The following DAB1 variants were observed in gnomAD, a reference collection of about 807,000 sequenced individuals.
DAB1 encodes the protein disabled homolog 1.
A neutral mutation model predicts 64.6 loss-of-function variants in DAB1; 15 were observed. That is an observed-to-expected ratio of 0.23 (90% CI 0.16 to 0.36). DAB1 has a LOEUF of 0.36. DAB1 is among the 10% of genes least tolerant of loss of function. The probability of loss-of-function intolerance (pLI) is 1.00; values close to 1 mark genes in which losing one functional copy is unlikely to be tolerated. For synonymous variants in DAB1, 235 were observed against 251.9 expected, an observed-to-expected ratio of 0.93 and a Z score of 0.64; for missense variants, 596 against 706.7, an observed-to-expected ratio of 0.84 and a Z score of 1.78.
intron 3 of DAB1, among the ~76,000 whole-genome samples, chr1:58,396,481 GA>G (rs1415533084): frequency 1.3e-5 from 2 of 151,954 alleles, no homozygotes; most frequent in Non-Finnish European, 2.9e-5. Context: ...GGAAAGGAGA[GA>G]AAGAAAACAC....
intron 4 of DAB1, among the ~76,000 whole-genome samples, chr1:58,284,495 A>C (rs1386918596): frequency 1.3e-5 from 2 of 152,254 alleles, no homozygotes; most frequent in East Asian, 3.8e-4. Context: ...AGCTGGTATT[A>C]AGCACAGATC....
intron 1 of DAB1, among the ~76,000 whole-genome samples, chr1:57,340,920 G>A (rs1277553593): frequency 6.6e-6 from 1 of 152,152 alleles, no homozygotes; most frequent in Non-Finnish European, 1.5e-5. Flanking sequence ...CACCACTTGT[G>A]GATGACAGGC....
At chr1:57,827,681 A>C (rs1000036211) in intron 1 of DAB1, among the ~76,000 whole-genome samples, 1 of 152,146 alleles carries the variant, frequency 6.6e-6, no homozygotes, top group African/African-American at 2.4e-5. Context: ...TTCAAGGTCC[A>C]GTTAAAGAGC....
intron 4 of DAB1, among the ~76,000 whole-genome samples, chr1:58,245,165 T>A (rs1660474018): frequency 6.6e-6 from 1 of 152,198 alleles, no homozygotes; most frequent in African/African-American, 2.4e-5. Context: ...CAGAAAACAG[T>A]GCTGTCATCC....
At chr1:58,374,853 C>A (rs1644307545) in intron 3 of DAB1, among the ~76,000 whole-genome samples, 1 of 136,990 alleles carries the variant, frequency 7.3e-6, no homozygotes, top group African/African-American at 2.8e-5. Flanking sequence ...TCTTTTATTT[C>A]CTTGAGCAGT....
At chr1:57,124,854 A>G (rs567613081) in intron 4 of DAB1, among the ~76,000 whole-genome samples, 1 of 152,300 alleles carries the variant, frequency 6.6e-6, no homozygotes, top group Non-Finnish European at 1.5e-5. Context: ...CTCATCAGAC[A>G]GACTGTCAGG....
intron 5 of DAB1, among the ~76,000 whole-genome samples, chr1:58,027,171 C>T (rs949995940): frequency 1.3e-5 from 2 of 152,120 alleles, no homozygotes; most frequent in African/African-American, 4.8e-5. Flanking sequence ...CAGTCCTTTT[C>T]TGGGAGAAAT....
At chr1:57,072,149 A>G in intron 5 of DAB1, 134 bp downstream of exon 5, 1 of 952,840 alleles carries the variant, frequency 1.0e-6, no homozygotes, top group Non-Finnish European at 1.6e-6. Context: ...CTAGATGGGA[A>G]TGTGAGCATC....
At chr1:58,212,088 G>T (rs1658579673) in intron 4 of DAB1, among the ~76,000 whole-genome samples, 1 of 152,126 alleles carries the variant, frequency 6.6e-6, no homozygotes. Context: ...GAAATTAATG[G>T]TCTTGTTACC....
intron 5 of DAB1, among the ~76,000 whole-genome samples, chr1:58,093,858 G>A (rs938855465): frequency 2.0e-5 from 3 of 152,138 alleles, no homozygotes; most frequent in African/African-American, 7.2e-5. Context: ...ACGGAGCACT[G>A]GGGAACCCTC....
chr1:58,054,498 T>C (rs1647922147), intron 5 of DAB1, among the ~76,000 whole-genome samples: 1 of 152,222 alleles, frequency 6.6e-6, no homozygotes, highest in Admixed American at 6.5e-5. Flanking sequence ...ATTTACATGC[T>C]ATGGGTTGAG....
At chr1:57,858,495 T>C (rs1417952206) in intron 1 of DAB1, among the ~76,000 whole-genome samples, 1 of 151,744 alleles carries the variant, frequency 6.6e-6, no homozygotes, top group African/African-American at 2.4e-5. Context: ...AACTCTGTGA[T>C]GTAGATAGAT....
At chr1:57,067,390 T>C (rs977946312) in intron 8 of DAB1, among the ~76,000 whole-genome samples, 4 of 152,180 alleles carry the variant, frequency 2.6e-5, no homozygotes, top group Non-Finnish European at 5.9e-5. Context: ...GGGCTCTACC[T>C]ATTGCTAGCT....
intron 5 of DAB1, among the ~76,000 whole-genome samples, chr1:57,959,195 T>C (rs1480312273): frequency 6.6e-6 from 1 of 152,206 alleles, no homozygotes; most frequent in African/African-American, 2.4e-5. Context: ...TTCATTGAGC[T>C]TCCTCTTCAA....
intron 4 of DAB1, among the ~76,000 whole-genome samples, chr1:58,240,326 C>T (rs1269253526): frequency 6.6e-6 from 1 of 152,158 alleles, no homozygotes; most frequent in Non-Finnish European, 1.5e-5. Context: ...AATGGGCAGG[C>T]CTTCTCCTGA....
At chr1:57,150,994 G>T (rs770063700) in intron 2 of DAB1, among the ~76,000 whole-genome samples, 3 of 152,076 alleles carry the variant, frequency 2.0e-5, no homozygotes, top group Non-Finnish European at 2.9e-5. Context: ...TGTCTCAAAA[G>T]AAATTTAAAA....
chr1:57,228,314 T>C (rs1187503157), intron 2 of DAB1, among the ~76,000 whole-genome samples: 1 of 152,152 alleles, frequency 6.6e-6, no homozygotes, highest in African/African-American at 2.4e-5. Context: ...TATGATTTCA[T>C]TTGCAACGAC....
intron 7 of DAB1, among the ~76,000 whole-genome samples, chr1:57,595,836 T>C (rs539854633): frequency 6.6e-6 from 1 of 152,100 alleles, no homozygotes; most frequent in African/African-American, 2.4e-5. Context: ...CCTCCGGCCA[T>C]GTAGGATGTG....
chr1:58,091,334 CCT>C (rs1394525807), intron 5 of DAB1, among the ~76,000 whole-genome samples: 2 of 152,180 alleles, frequency 1.3e-5, no homozygotes, highest in Non-Finnish European at 2.9e-5. Context: ...AGCCTTTGCT[CCT>C]CTGTCTAACC....
Sources: gnomAD v4.1 joint callset for allele counts (sites outside exome capture counted in the v4.1 genomes callset) on GRCh38, gnomAD v4.1.1 for gene constraint, MANE v1.5 for transcripts, NCBI Gene and HGNC (gene_info 2026-07-23, HGNC 2026-07-21) for gene names.